IRF2: variants seen among roughly 807,000 people sequenced by gnomAD.
IRF2 encodes the protein interferon regulatory factor 2.
Under a neutral mutation model 40.6 loss-of-function variants are expected in IRF2, and 15 were observed. The observed-to-expected ratio is 0.37, with a 90% CI of 0.25 to 0.57. IRF2 has a LOEUF of 0.57. Ranked by LOEUF, IRF2 falls within the 20% of genes least tolerant of loss-of-function variation. The pLI, the probability that IRF2 is intolerant of heterozygous loss-of-function variation, is 0.77. For missense variants in IRF2, 317 were observed against 455.7 expected, an observed-to-expected ratio of 0.70 and a Z score of 2.77; for synonymous variants, 151 against 165.5, an observed-to-expected ratio of 0.91 and a Z score of 0.67.
At chr4:184,469,092 T>C (rs755478173) in intron 1 of IRF2, among the ~76,000 whole-genome samples, 3 of 152,174 alleles carry the variant, frequency 2.0e-5, no homozygotes, top group Non-Finnish European at 4.4e-5. Flanking sequence ...AAGAAAACCA[T>C]TGCATGTGTT....
chr4:184,428,885 T>C, intron 2 of IRF2, 93 bp downstream of exon 2: 4 of 1,006,706 alleles, frequency 4.0e-6, no homozygotes, highest in Non-Finnish European at 4.8e-6. Flanking sequence ...AAGCCTAAGA[T>C]TTTGAATACA....
chr4:184,428,818 G>A, intron 2 of IRF2, 160 bp downstream of exon 2: 1 of 679,474 alleles, frequency 1.5e-6, no homozygotes, highest in African/African-American at 1.8e-5. Flanking sequence ...AAAAGCCTTT[G>A]AGATGATAAC....
At chr4:184,421,662 T>C (rs1262711734) in intron 2 of IRF2, among the ~76,000 whole-genome samples, 1 of 152,168 alleles carries the variant, frequency 6.6e-6, no homozygotes, top group Non-Finnish European at 1.5e-5. Flanking sequence ...GAAATCTAAC[T>C]TGCAAGACAC....
intron 1 of IRF2, among the ~76,000 whole-genome samples, chr4:184,433,260 G>C (rs568724040): frequency 6.6e-6 from 1 of 152,186 alleles, no homozygotes; most frequent in South Asian, 2.1e-4. Context: ...CCAGGCGACC[G>C]CTGTGGTCTG....
At chr4:184,419,805 T>C (rs1271861476) in intron 2 of IRF2, among the ~76,000 whole-genome samples, 2 of 152,184 alleles carry the variant, frequency 1.3e-5, no homozygotes, top group African/African-American at 4.8e-5. Flanking sequence ...GCAGGAATGT[T>C]TTCCAAGGTC....
chr4:184,405,721 G>T (rs547895833), intron 6 of IRF2, among the ~76,000 whole-genome samples: 12 of 152,340 alleles, frequency 7.9e-5, no homozygotes, highest in African/African-American at 2.9e-4. Flanking sequence ...GACTTGAGAA[G>T]TACGGTGAGG....
At chr4:184,406,074 G>T (rs1453953286) in intron 6 of IRF2, among the ~76,000 whole-genome samples, 1 of 152,072 alleles carries the variant, frequency 6.6e-6, no homozygotes, top group East Asian at 1.9e-4. Flanking sequence ...AGCATTCTAG[G>T]GGTGTGGATA....
intron 1 of IRF2, among the ~76,000 whole-genome samples, chr4:184,438,010 G>C (rs1214533013): frequency 6.6e-6 from 1 of 152,132 alleles, no homozygotes; most frequent in Non-Finnish European, 1.5e-5. Flanking sequence ...TTCCATGAAA[G>C]TTATGTAAAT....
intron 1 of IRF2, among the ~76,000 whole-genome samples, chr4:184,456,376 A>T (rs1380988345): frequency 6.6e-6 from 1 of 152,258 alleles, no homozygotes; most frequent in Non-Finnish European, 1.5e-5. Context: ...AACATTCCCA[A>T]CAAAAGGAAG....
At chr4:184,444,950 C>G (rs1738447560) in intron 1 of IRF2, among the ~76,000 whole-genome samples, 1 of 152,174 alleles carries the variant, frequency 6.6e-6, no homozygotes, top group Non-Finnish European at 1.5e-5. Flanking sequence ...AGTCGGGGAG[C>G]AGGTGGTTTT....
chr4:184,407,952 G>A (rs143672851), intron 6 of IRF2, among the ~76,000 whole-genome samples: 74 of 150,234 alleles, frequency 4.9e-4, no homozygotes, highest in African/African-American at 1.6e-3. Context: ...CTTCTTCCAC[G>A]GAGGCTGACC....
At chr4:184,466,872 G>T (rs1175476195) in intron 1 of IRF2, among the ~76,000 whole-genome samples, 1 of 152,174 alleles carries the variant, frequency 6.6e-6, no homozygotes, top group East Asian at 1.9e-4. Context: ...TTACTGTACT[G>T]AGGACCGTAG....
rs547527144 is a variant in IRF2 at position 184,463,643 on chromosome 4, C to T, written c.-7+10736G>A. Among the ~76,000 whole-genome samples, 158 of 152,014 alleles carry T rather than the reference C, an allele frequency of 1.0e-3. No homozygotes were observed. The Middle Eastern group carries it at 0.027, about 26-fold the overall frequency. ...ACATTATATTTGTATTGGACAATAT[C>T]GTGCATATATATATATTTTTTTTTT... On this transcript the variant is annotated intron_variant, in intron 1 of 8. Transcript: ENST00000393593.
At chr4:184,439,815 C>T (rs1738234161) in intron 1 of IRF2, among the ~76,000 whole-genome samples, 1 of 152,178 alleles carries the variant, frequency 6.6e-6, no homozygotes, top group Non-Finnish European at 1.5e-5. Flanking sequence ...GAACCATAAT[C>T]GAGCAAACTG....
chr4:184,462,135 T>C (rs867562305), intron 1 of IRF2, among the ~76,000 whole-genome samples: 2 of 152,232 alleles, frequency 1.3e-5, no homozygotes, highest in Non-Finnish European at 2.9e-5. Context: ...GATTACACTT[T>C]GCTGTTCTTC....
intron 1 of IRF2, among the ~76,000 whole-genome samples, chr4:184,441,525 ACT>A (rs1468032498): frequency 1.5e-4 from 23 of 152,184 alleles, no homozygotes; most frequent in Non-Finnish European, 1.5e-5. Context: ...CCTGATGCAC[ACT>A]CTGCAAACTT....
At chr4:184,450,952 G>A (rs1054028323) in intron 1 of IRF2, among the ~76,000 whole-genome samples, 5 of 152,040 alleles carry the variant, frequency 3.3e-5, no homozygotes, top group African/African-American at 7.3e-5. Context: ...CTCCACGGAA[G>A]CCCTGGTGCA....
intron 1 of IRF2, among the ~76,000 whole-genome samples, chr4:184,466,768 A>G (rs996174914): frequency 1.3e-5 from 2 of 152,186 alleles, no homozygotes; most frequent in African/African-American, 2.4e-5. Flanking sequence ...AACATCACAG[A>G]GTGTACTTAC....
At chr4:184,467,312 C>G (rs1373060250) in intron 1 of IRF2, among the ~76,000 whole-genome samples, 1 of 152,196 alleles carries the variant, frequency 6.6e-6, no homozygotes, top group Admixed American at 6.5e-5. Flanking sequence ...TCTCTTCACT[C>G]TCTCCCATTC....
Sources: allele counts gnomAD v4.1 joint callset (sites outside exome capture counted in the v4.1 genomes callset), GRCh38; gene constraint gnomAD v4.1.1; transcripts MANE v1.5; gene names NCBI Gene and HGNC (gene_info 2026-07-23, HGNC 2026-07-21).